Variants in MID2 observed in about 807,000 individuals in gnomAD.
MID2 encodes midline 2, also known as probable E3 ubiquitin-protein ligase MID2.
A neutral mutation model predicts 46.1 loss-of-function variants in MID2; 13 were observed. The observed-to-expected ratio is 0.28, with a 90% CI of 0.18 to 0.45. The LOEUF is 0.45. Ranked by LOEUF, MID2 falls within the 20% of genes least tolerant of loss-of-function variation. MID2 has a pLI of 1.00. For synonymous variants in MID2, 199 were observed against 212.3 expected, an observed-to-expected ratio of 0.94 and a Z score of 0.55; for missense variants, 431 against 575.4, an observed-to-expected ratio of 0.75 and a Z score of 2.57.
chrX:107,833,332 C>A (rs1290812595), intron 1 of MID2, among the ~76,000 whole-genome samples: 1 of 110,158 alleles, frequency 9.1e-6, no homozygotes, highest in East Asian at 2.8e-4. Context: ...CTCCTTACCC[C>A]AAGGCAGGGA....
intron 3 of MID2, among the ~76,000 whole-genome samples, chrX:107,876,801 C>T (rs1025319221): frequency 8.9e-6 from 1 of 112,079 alleles, no homozygotes; most frequent in Non-Finnish European, 1.9e-5. Context: ...ATACAACTGT[C>T]AGGGTCATCT....
chrX:107,841,476 G>A (rs1408202850), intron 2 of MID2, 91 bp downstream of exon 2: 9 of 643,744 alleles, frequency 1.4e-5, no homozygotes, highest in Non-Finnish European at 2.1e-5. Flanking sequence ...TTTCCTATAT[G>A]ACAAGTGAGT....
At chrX:107,892,836 A>T (rs1932632326) in intron 3 of MID2, among the ~76,000 whole-genome samples, 1 of 111,964 alleles carries the variant, frequency 8.9e-6, no homozygotes, top group Admixed American at 9.5e-5. Flanking sequence ...TTAAATCCCC[A>T]TCTTATAAGC....
At chrX:107,907,414 G>A (rs982971678) in intron 5 of MID2, among the ~76,000 whole-genome samples, 4 of 112,036 alleles carry the variant, frequency 3.6e-5, no homozygotes, top group African/African-American at 6.5e-5. Context: ...GTGAAATAGC[G>A]AATTCAACTT....
intron 5 of MID2, among the ~76,000 whole-genome samples, chrX:107,913,878 G>C (rs112797714): frequency 9.0e-6 from 1 of 111,534 alleles, no homozygotes; most frequent in Non-Finnish European, 1.9e-5. Context: ...GACCCCCATC[G>C]TTCTTAAGAT....
In MID2 at chrX:107,826,354, A is replaced by C. The variant is rs1405985779; in HGVS notation, c.-73A>C. On this transcript the variant is annotated 5_prime_UTR_variant, in exon 1 of 10. Coordinates refer to ENST00000262843, the MANE Select transcript of MID2 (RefSeq NM_012216.4). ...GGAGCTCGCGCCGGAGCCCGAGCCA[A>C]CCCGCTGCGGAGGCAGACGAGAGCC... 3.7e-5 allele frequency: 41 copies of C among 1,102,359 alleles called. No individual in the cohort carries two copies. The East Asian group carries it at 1.4e-3, about 37-fold the overall frequency. 90.8% of individuals were successfully genotyped at this position (1,102,359 alleles called of 1,213,427 possible).
chrX:107,852,051 C>T (rs1931639110), intron 2 of MID2, among the ~76,000 whole-genome samples: 1 of 111,108 alleles, frequency 9.0e-6, no homozygotes, highest in Non-Finnish European at 1.9e-5. Flanking sequence ...TACCGCCATG[C>T]CTGGCTAATT....
chrX:107,883,203 G>C (rs1016008264), intron 3 of MID2, among the ~76,000 whole-genome samples: 1 of 111,146 alleles, frequency 9.0e-6, no homozygotes, highest in Admixed American at 9.6e-5. Context: ...GCCTGTCGGG[G>C]AGTGGGGGGC....
chrX:107,859,972 G>A (rs1931822806), intron 3 of MID2, among the ~76,000 whole-genome samples: 1 of 111,983 alleles, frequency 8.9e-6, no homozygotes, highest in African/African-American at 3.2e-5. Context: ...GAGAAGTCTG[G>A]GGAGCCATGG....
intron 3 of MID2, among the ~76,000 whole-genome samples, chrX:107,892,009 G>A (rs1041863732): frequency 1.8e-5 from 2 of 111,300 alleles, no homozygotes; most frequent in East Asian, 5.7e-4. Flanking sequence ...TGCCCTTTTC[G>A]ACCTTAGCTA....
chrX:107,911,074 G>A (rs187844701), intron 5 of MID2, among the ~76,000 whole-genome samples: 2 of 107,607 alleles, frequency 1.9e-5, no homozygotes, highest in African/African-American at 3.4e-5. Flanking sequence ...GGGTGGTCTC[G>A]AACTCCTGAT....
At chrX:107,851,896 T>C (rs746525249) in intron 2 of MID2, among the ~76,000 whole-genome samples, 2 of 104,542 alleles carry the variant, frequency 1.9e-5, no homozygotes, top group South Asian at 8.2e-4. Flanking sequence ...TATTTATTTA[T>C]TTATTATTTT....
At chrX:107,885,840 T>A (rs1160920264) in intron 3 of MID2, among the ~76,000 whole-genome samples, 4 of 112,097 alleles carry the variant, frequency 3.6e-5, no homozygotes, top group South Asian at 7.4e-4. Flanking sequence ...GGTGTCTCAT[T>A]GTGGTTTTGA....
At chrX:107,884,630 A>G (rs763743469) in intron 3 of MID2, among the ~76,000 whole-genome samples, 1 of 112,308 alleles carries the variant, frequency 8.9e-6, no homozygotes, top group Non-Finnish European at 1.9e-5. Context: ...AAAAAGGGAA[A>G]GGTGGTTTTC....
chrX:107,834,356 A>T (rs754645765), intron 1 of MID2, among the ~76,000 whole-genome samples: 3 of 111,859 alleles, frequency 2.7e-5, no homozygotes, highest in Non-Finnish European at 3.8e-5. Context: ...ATGGCAATTG[A>T]TCGTGCCCTC....
intron 3 of MID2, among the ~76,000 whole-genome samples, chrX:107,872,005 C>G (rs1055836808): frequency 3.6e-5 from 4 of 112,196 alleles, no homozygotes; most frequent in Admixed American, 9.4e-5. Context: ...CTATCCTCTT[C>G]TGCCCAGAAT....
At chrX:107,913,392 A>G (rs1204257559) in intron 5 of MID2, among the ~76,000 whole-genome samples, 1 of 112,083 alleles carries the variant, frequency 8.9e-6, no homozygotes, top group East Asian at 2.8e-4. Context: ...CTTTGCATAC[A>G]TCTCAATTAT....
chrX:107,881,147 A>G (rs1932309330), intron 3 of MID2, among the ~76,000 whole-genome samples: 2 of 112,534 alleles, frequency 1.8e-5, no homozygotes, highest in Admixed American at 1.9e-4. Flanking sequence ...TTAGAGTGCT[A>G]CTAAATTCAG....
At chrX:107,859,228 C>T (rs1931806019) in intron 3 of MID2, among the ~76,000 whole-genome samples, 1 of 111,783 alleles carries the variant, frequency 8.9e-6, no homozygotes, top group Non-Finnish European at 1.9e-5. Flanking sequence ...ATTTAAAAAA[C>T]ACTGCTATGG....
Sources: allele counts gnomAD v4.1 joint callset (sites outside exome capture counted in the v4.1 genomes callset), GRCh38; gene constraint gnomAD v4.1.1; transcripts MANE v1.5; gene names NCBI Gene and HGNC (gene_info 2026-07-23, HGNC 2026-07-21).